Variants in PRKCG observed in about 807,000 individuals in gnomAD.
PRKCG encodes the protein protein kinase C gamma type.
A neutral mutation model predicts 82.0 loss-of-function variants in PRKCG; 28 were observed. That is an observed-to-expected ratio of 0.34 (90% CI 0.25 to 0.47). The LOEUF is 0.47. PRKCG is among the 20% of genes least tolerant of loss of function. The pLI is 1.00. For synonymous variants in PRKCG, 383 were observed against 376.6 expected (o/e 1.02, Z -0.20); for missense variants, 640 against 952.7 (o/e 0.67, Z 4.32).
In PRKCG at chr19:53,891,697, C is replaced by T; in HGVS notation, c.553C>T (p.Pro185Ser). 6.2e-7 allele frequency: 1 copy of T among 1,614,060 alleles called. No individual in the cohort carries two copies. Among genetic ancestry groups the T allele is most frequent in the African/African-American group, 1.3e-5 (1 of 75,022 alleles). ...VTVGEARNLI[P>S]MDPNGLSDPY... Reference sequence around the variant, plus strand: ...AGTTGGCGAGGCCCGTAACCTAATTCCTATGGACCCCAATGGTCTCTCTGA... The same window carrying T: ...AGTTGGCGAGGCCCGTAACCTAATTTCTATGGACCCCAATGGTCTCTCTGA... Residue 185 changes from proline (P) to serine (S), a missense_variant, in exon 6 of 18, where the codon CCT becomes TCT. Pro to Ser is a moderately conservative substitution (Grantham distance 74). Coordinates refer to ENST00000263431, the MANE Select transcript of PRKCG (RefSeq NM_002739.5).
Position 53,882,387 on chromosome 19 carries a change from G to A in PRKCG, c.-108G>A, listed in dbSNP as rs1034219389. 5 of 1,508,954 alleles carry A rather than the reference G, an allele frequency of 3.3e-6. No homozygotes were observed. The highest frequency in any genetic ancestry group is 2.8e-5 in the African/African-American group (2 of 70,406). The allele number at this position is 1,508,954 out of a possible 1,614,324, so 93.5% of individuals were successfully genotyped here. Reference sequence around the variant, plus strand: ...GCCTTGCCCCTCTCCTGCCCACCTCGGAATTTCCCTGTGGCTCCTTTGATC... The same window carrying A: ...GCCTTGCCCCTCTCCTGCCCACCTCAGAATTTCCCTGTGGCTCCTTTGATC... On this transcript the variant is annotated 5_prime_UTR_variant, in exon 1 of 18. Coordinates refer to ENST00000263431, the MANE Select transcript of PRKCG (RefSeq NM_002739.5). This position sits in a 1 kb window ranked among gnomAD's most constrained non-coding sequence, Gnocchi z 6.1.
At chr19:53,893,719 GC>G (rs1049609279) in intron 9 of PRKCG, among the ~76,000 whole-genome samples, 1 of 151,958 alleles carries the variant, frequency 6.6e-6, no homozygotes, top group African/African-American at 2.4e-5. Flanking sequence ...AGGAGGTGAC[GC>G]CTGAATTGAT....
At chr19:53,890,091 C>T in intron 5 of PRKCG, 74 bp downstream of exon 5, 1 of 1,471,920 alleles carries the variant, frequency 6.8e-7, no homozygotes, top group Non-Finnish European at 9.2e-7. Context: ...GGCACTTGTG[C>T]TGGCCCAGCC....
rs936077265 is a variant in PRKCG at position 53,884,066 on chromosome 19, G to C, written c.203-95G>C. 2 of 1,228,324 alleles carry C rather than the reference G, an allele frequency of 1.6e-6. No individual in the cohort carries two copies. The highest frequency in any genetic ancestry group is 1.5e-5 in the African/African-American group (1 of 67,132). 76.1% of individuals were successfully genotyped at this position (1,228,324 alleles called of 1,614,324 possible). A position where few individuals can be genotyped will look rare whatever the true frequency, so the allele number is the denominator to read the frequency against. ...TCTCTTTCTGGTTTTCTCAGTGTCC[G>C]AGTTCCGCTCTCTCTTTCCAATTTT... On this transcript the variant is annotated intron_variant, in intron 2 of 17. Coordinates refer to ENST00000263431, the MANE Select transcript of PRKCG (RefSeq NM_002739.5). This position sits in a 1 kb window ranked among gnomAD's most constrained non-coding sequence, Gnocchi z 4.6.
chr19:53,891,377 C>T (rs563007878), intron 5 of PRKCG, among the ~76,000 whole-genome samples: 87 of 150,564 alleles, frequency 5.8e-4, no homozygotes, highest in Non-Finnish European at 1.0e-3. Context: ...CCTGGGTTCA[C>T]GTCATTCTCC....
upstream of PRKCG, chr19:53,881,975 G>C (rs548293358): frequency 3.1e-5 from 7 of 225,006 alleles, no homozygotes; most frequent in Admixed American, 3.8e-4. Context: ...GCACCCTAGT[G>C]GGGGAGGAAC....
chr19:53,891,170 T>C (rs1456380301), intron 5 of PRKCG, among the ~76,000 whole-genome samples: 1 of 152,138 alleles, frequency 6.6e-6, no homozygotes, highest in African/African-American at 2.4e-5. Context: ...AGAGAAGGGC[T>C]CTGGATCTGA....
At chr19:53,901,849 C>CAAAAAAA (rs752402468) in intron 14 of PRKCG, among the ~76,000 whole-genome samples, 2 of 69,076 alleles carry the variant, frequency 2.9e-5, no homozygotes, top group Admixed American at 1.7e-4. Context: ...GACCCTGTCT[C>CAAAAAAA]AAAAAAAAAA....
At chr19:53,888,181 G>A (rs1416245205) in intron 3 of PRKCG, among the ~76,000 whole-genome samples, 3 of 152,250 alleles carry the variant, frequency 2.0e-5, no homozygotes, top group East Asian at 1.9e-4. Context: ...TAGGGTCAGC[G>A]GAGATATTTA....
intron 9 of PRKCG, among the ~76,000 whole-genome samples, chr19:53,894,147 G>A (rs973855843): frequency 3.2e-4 from 48 of 151,560 alleles, no homozygotes; most frequent in Admixed American, 5.2e-4. Flanking sequence ...CTCACTGCAA[G>A]CTCCGCCTCC....
Position 53,900,686 on chromosome 19 carries a change from G to A in PRKCG, c.1512G>A (p.Glu504=). The part of the protein sequence containing the change: ...IKITDFGMCK[E]NVFPGTTTRT... The stretch of plus-strand genomic sequence containing the variant: ...TCACTGACTTTGGCATGTGTAAGGA[G>A]AACGTCTTCCCCGGGACGACAACCC... The change falls in exon 14 of 18, where the codon GAG becomes GAA. Residue 504 remains glutamate (E), a synonymous_variant. Coordinates refer to ENST00000263431, the MANE Select transcript of PRKCG (RefSeq NM_002739.5). This position sits in a 1 kb window ranked among gnomAD's most constrained non-coding sequence, Gnocchi z 4.2. 1 of 1,614,252 alleles carries A rather than the reference G, an allele frequency of 6.2e-7. No homozygotes were observed. The highest frequency in any genetic ancestry group is 8.5e-7 in the Non-Finnish European group (1 of 1,180,058).
chr19:53,882,689 G>C lies in PRKCG; in HGVS notation c.170+25G>C. On this transcript the variant is annotated intron_variant, in intron 1 of 17. Transcript: ENST00000263431. The surrounding 1 kb of genome is among the most constrained non-coding windows in gnomAD (Gnocchi z 6.1). Reference sequence around the variant, plus strand: ...GGTGAGGGAAGGGGGCTGGGGGACTGGGGGACGAGGGGACTAGGGGTGCAG... The same window carrying C: ...GGTGAGGGAAGGGGGCTGGGGGACTCGGGGACGAGGGGACTAGGGGTGCAG... 6.2e-7 allele frequency: 1 copy of C among 1,604,602 alleles called. No homozygotes were observed. Among genetic ancestry groups the C allele is most frequent in the Non-Finnish European group, 8.5e-7 (1 of 1,174,500 alleles).
rs894806229 is a variant in PRKCG at position 53,884,454 on chromosome 19, C to T, written c.285+211C>T. On this transcript the variant is annotated intron_variant, in intron 3 of 17. Coordinates refer to ENST00000263431, the MANE Select transcript of PRKCG (RefSeq NM_002739.5). The surrounding 1 kb of genome is among the most constrained non-coding windows in gnomAD (Gnocchi z 4.6). ...ACAGGCTGGGGACACGGGTGGGGCA[C>T]AGAGAGGAGGCCGGGGTGAGGAGAC... 4.0e-5 allele frequency among the ~76,000 whole-genome samples: 6 copies of T among 151,892 alleles called. No homozygotes were observed. In the East Asian group the frequency reaches 1.2e-3, roughly 29 times the overall value.
At chr19:53,898,732 G>C in intron 11 of PRKCG, 104 bp downstream of exon 11, 1 of 997,070 alleles carries the variant, frequency 1.0e-6, no homozygotes, top group Non-Finnish European at 1.4e-6. Context: ...AGAACTTTGT[G>C]CTCTCTGAGT....
chr19:53,893,659 C>G (rs1404750659), intron 9 of PRKCG, among the ~76,000 whole-genome samples: 2 of 152,010 alleles, frequency 1.3e-5, no homozygotes, highest in South Asian at 4.1e-4. Context: ...AGAGGCCTAA[C>G]GGAGGCACTA....
intron 3 of PRKCG, among the ~76,000 whole-genome samples, chr19:53,888,379 G>A (rs428584): frequency 0.37 from 56,861 of 151,758 alleles, 12,069 homozygotes; most frequent in African/African-American, 0.59. Flanking sequence ...TGTCCCGGGG[G>A]TAGTGGGTGG....
intron 17 of PRKCG, 76 bp downstream of exon 17, chr19:53,906,533 G>T: frequency 6.4e-7 from 1 of 1,573,118 alleles, no homozygotes; most frequent in Non-Finnish European, 8.6e-7. Context: ...ATACCTGTAT[G>T]TGGGGGTGGG....
intron 3 of PRKCG, among the ~76,000 whole-genome samples, chr19:53,885,760 A>G (rs2122979809): frequency 6.6e-6 from 1 of 152,270 alleles, no homozygotes; most frequent in South Asian, 2.1e-4. Context: ...TGAAAATAAC[A>G]GAAGTCTACA....
intron 11 of PRKCG, 27 bp downstream of exon 11, chr19:53,898,655 C>T (rs772590677): frequency 1.2e-4 from 187 of 1,550,564 alleles, no homozygotes; most frequent in Non-Finnish European, 1.6e-4. Context: ...CGGAGGCTGT[C>T]CTCCGGGCCC....
Sources: allele counts gnomAD v4.1 joint callset (sites outside exome capture counted in the v4.1 genomes callset), GRCh38; gene constraint gnomAD v4.1.1; non-coding constraint Gnocchi (gnomAD v3.1); transcripts MANE v1.5; gene names NCBI Gene and HGNC (gene_info 2026-07-23, HGNC 2026-07-21).